ZNF638: variants seen among roughly 807,000 people sequenced by gnomAD.
ZNF638 encodes CTCL tumor antigen se33-1.
In ZNF638, 46 loss-of-function variants were observed where a neutral mutation model predicts 195.6. That is an observed-to-expected ratio of 0.24 (90% CI 0.19 to 0.30). ZNF638 has a LOEUF of 0.30. ZNF638 is among the 10% of genes least tolerant of loss of function. The pLI is 1.00. For missense variants in ZNF638, 2,440 were observed against 2,325.3 expected (o/e 1.05, Z -1.01); for synonymous variants, 845 against 772.0 (o/e 1.09, Z -1.57).
Position 71,349,829 on chromosome 2 carries a change from A to G in ZNF638, c.875A>G (p.Lys292Arg). The change falls in exon 2 of 28, where the codon AAG becomes AGG. Residue 292 changes from lysine (K) to arginine (R), a missense_variant. Physicochemically the swap from Lys to Arg is conservative, Grantham distance 26. Around this residue, in one of 5 missense-constraint regions of ZNF638, gnomAD observed 305 missense variants for 283.6 expected, o/e 1.08. Coordinates refer to ENST00000264447, the MANE Select transcript of ZNF638 (RefSeq NM_014497.5). Reference sequence around the variant, plus strand: ...TTTTTCTCAGTTGAGAGTGGAACCAAGATGTCAGGCTTACACATTTCAGGA... The same window carrying G: ...TTTTTCTCAGTTGAGAGTGGAACCAGGATGTCAGGCTTACACATTTCAGGA... ...RSFFSVESGTKMSGLHISGGQ... is the reference protein window; with the variant it reads ...RSFFSVESGTRMSGLHISGGQ... The G allele has an allele frequency of 1.2e-6, 2 of 1,614,208 alleles. No homozygotes were observed. The highest frequency in any genetic ancestry group is 1.3e-5 in the African/African-American group (1 of 75,058).
In ZNF638 at chr2:71,434,966, A is replaced by G. The variant is rs1350028593; in HGVS notation, c.*159A>G. The G allele has an allele frequency of 4.5e-5, 25 of 560,124 alleles. No homozygotes were observed. Among genetic ancestry groups the G allele is most frequent in the African/African-American group, 5.9e-5 (3 of 51,194 alleles). 34.7% of individuals were successfully genotyped at this position (560,124 alleles called of 1,614,324 possible). A position where few individuals can be genotyped will look rare whatever the true frequency, so the allele number is the denominator to read the frequency against. On this transcript the variant is annotated 3_prime_UTR_variant, in exon 28 of 28. Transcript: ENST00000264447. ...ATGTAGAGAGACTGATGGGGAAAGT[A>G]TGATGGGTTTGATTTTTATATCAAA...
intron 10 of ZNF638, among the ~76,000 whole-genome samples, chr2:71,388,260 T>G (rs111496976): frequency 0.041 from 6,297 of 152,134 alleles, 223 homozygotes; most frequent in African/African-American, 0.095. Flanking sequence ...AACAAAGGAG[T>G]GTAAAGGAAT....
chr2:71,342,886 G>A (rs567118160), intron 1 of ZNF638, among the ~76,000 whole-genome samples: 1 of 151,416 alleles, frequency 6.6e-6, no homozygotes, highest in South Asian at 2.1e-4. Context: ...ATTTTTTTTT[G>A]TCTTGAATAT....
chr2:71,419,431 A>G (rs1043273784), intron 21 of ZNF638, among the ~76,000 whole-genome samples: 1 of 152,192 alleles, frequency 6.6e-6, no homozygotes, highest in African/African-American at 2.4e-5. Context: ...TGTTTATTTT[A>G]TCTGATGCAC....
In ZNF638 at chr2:71,369,985, C is replaced by T; in HGVS notation, c.2245C>T (p.Pro749Ser). 6.3e-7 allele frequency: 1 copy of T among 1,592,002 alleles called. No homozygotes were observed. The highest frequency in any genetic ancestry group is 8.5e-7 in the Non-Finnish European group (1 of 1,173,622). The change falls in exon 8 of 28, where the codon CCA becomes TCA. Residue 749 changes from proline to serine, a missense_variant. Transcript: ENST00000264447. ...AGGAAAAAGTGTGAAAATATGTGTT[C>T]CAGGAAAGAAAAAAGCACAGGTAAT... is the stretch of plus-strand genomic sequence containing the variant. The part of the protein sequence containing the change: ...IKGKSVKICV[P>S]GKKKAQNKEV...
Position 71,406,249 on chromosome 2 carries a change from G to A in ZNF638, c.3122G>A (p.Ser1041Asn), listed in dbSNP as rs973795187. 2 of 1,611,650 alleles carry A rather than the reference G, an allele frequency of 1.2e-6. No homozygotes were observed. Among genetic ancestry groups the A allele is most frequent in the Non-Finnish European group, 8.5e-7 (1 of 1,177,986 alleles). Residue 1041 changes from serine (S) to asparagine (N), a missense_variant, in exon 19 of 28, where the codon AGT becomes AAT. By Grantham distance (46) the Ser-to-Asn change is conservative (BLOSUM62 1). Coordinates refer to ENST00000264447, the MANE Select transcript of ZNF638 (RefSeq NM_014497.5). ...FGKVDHHVFI[S>N]NRNKAILQLD... Reference sequence around the variant, plus strand: ...AAAGTGGATCACCATGTATTCATAAGTAATAGAAACAAGGTAACAAGTTCC... The same window carrying A: ...AAAGTGGATCACCATGTATTCATAAATAATAGAAACAAGGTAACAAGTTCC...
chr2:71,364,350 T>C, intron 5 of ZNF638, 98 bp downstream of exon 5: 2 of 1,300,790 alleles, frequency 1.5e-6, no homozygotes, highest in Non-Finnish European at 1.0e-6. Flanking sequence ...CTTTATTAAA[T>C]TTTAGAGTTG....
At chr2:71,386,227 G>A (rs182038570) in intron 10 of ZNF638, among the ~76,000 whole-genome samples, 2 of 148,450 alleles carry the variant, frequency 1.3e-5, no homozygotes, top group Admixed American at 6.8e-5. Flanking sequence ...CCAGGAGGTC[G>A]ACGCTTCAGT....
At chr2:71,424,931 G>A (rs978739775) in intron 23 of ZNF638, among the ~76,000 whole-genome samples, 8 of 152,012 alleles carry the variant, frequency 5.3e-5, no homozygotes, top group Non-Finnish European at 8.8e-5. Context: ...TTCTTGAGGC[G>A]GGGGGAGCGG....
At chr2:71,418,131 A>G (rs796976385) in intron 20 of ZNF638, 4 of 152,276 alleles carry the variant, frequency 2.6e-5, no homozygotes, top group African/African-American at 9.7e-5. Flanking sequence ...TATCAGATAA[A>G]TATTTAAAAT....
chr2:71,360,042 T>C (rs2079082870), intron 3 of ZNF638, among the ~76,000 whole-genome samples: 2 of 152,206 alleles, frequency 1.3e-5, no homozygotes, highest in South Asian at 2.1e-4. Context: ...ACTTTATCAA[T>C]GAGAGAAGTG....
chr2:71,355,216 A>G (rs2079005301), intron 2 of ZNF638, among the ~76,000 whole-genome samples: 1 of 152,164 alleles, frequency 6.6e-6, no homozygotes, highest in African/African-American at 2.4e-5. Context: ...TTGGCCTCCC[A>G]AAGTGCTGGG....
At chr2:71,411,940 G>A (rs1457459889) in intron 20 of ZNF638, among the ~76,000 whole-genome samples, 1 of 85,390 alleles carries the variant, frequency 1.2e-5, no homozygotes, top group Non-Finnish European at 2.2e-5. Flanking sequence ...AAACATACGT[G>A]TGCATGTGTC....
chr2:71,335,626 C>T (rs1473484081), intron 1 of ZNF638, among the ~76,000 whole-genome samples: 1 of 152,094 alleles, frequency 6.6e-6, no homozygotes, highest in Non-Finnish European at 1.5e-5. Context: ...CATTCATGTG[C>T]CTGTCCAGTT....
chr2:71,332,372 G>T (rs1441779394), intron 1 of ZNF638, among the ~76,000 whole-genome samples: 1 of 152,246 alleles, frequency 6.6e-6, no homozygotes, highest in Non-Finnish European at 1.5e-5. Flanking sequence ...GCGACATTGT[G>T]CAAGAAGCGT....
At chr2:71,418,363 A>G (rs931071097) in intron 20 of ZNF638, 1 of 321,392 alleles carries the variant, frequency 3.1e-6, no homozygotes, top group African/African-American at 2.1e-5. Context: ...TTATATCATT[A>G]TTAAGGAAAC....
At chr2:71,365,921 G>A (rs1341664360) in intron 6 of ZNF638, among the ~76,000 whole-genome samples, 2 of 152,162 alleles carry the variant, frequency 1.3e-5, no homozygotes, top group Non-Finnish European at 2.9e-5. Flanking sequence ...GTCTTGCCAT[G>A]TTGCTCAGGC....
At chr2:71,418,248 G>C (rs1449583484) in intron 20 of ZNF638, 1 of 172,244 alleles carries the variant, frequency 5.8e-6, no homozygotes, top group East Asian at 1.5e-4. Flanking sequence ...ATCTCTCTTA[G>C]AAGTCTTTTA....
chr2:71,357,535 G>A (rs1355000086), intron 3 of ZNF638, among the ~76,000 whole-genome samples: 1 of 152,146 alleles, frequency 6.6e-6, no homozygotes, highest in African/African-American at 2.4e-5. Flanking sequence ...TTATGAAGGT[G>A]AATTTTTAGT....
Sources: allele counts gnomAD v4.1 joint callset (sites outside exome capture counted in the v4.1 genomes callset), GRCh38; gene constraint gnomAD v4.1.1; regional missense constraint gnomAD v4.1.1; transcripts MANE v1.5; gene names NCBI Gene and HGNC (gene_info 2026-07-23, HGNC 2026-07-21).